Variants in GREB1L observed in about 807,000 individuals in gnomAD.
GREB1L encodes GREB1-like protein.
A neutral mutation model predicts 200.8 loss-of-function variants in GREB1L; 17 were observed. The ratio of observed to expected loss-of-function variants is 0.08; its 90% CI spans 0.06 to 0.13. The LOEUF (loss-of-function observed/expected upper bound fraction) is 0.13. GREB1L is among the 10% of genes least tolerant of loss of function. GREB1L has a pLI of 1.00. For missense variants in GREB1L, 1,657 were observed against 2,367.7 expected (o/e 0.70, Z 6.23); for synonymous variants, 789 against 893.0 (o/e 0.88, Z 2.08).
chr18:21,285,943 T>C lies in GREB1L; in HGVS notation c.-120+43550T>C, dbSNP rs142304807. Among the ~76,000 whole-genome samples, 187 of 152,326 alleles carry C rather than the reference T, an allele frequency of 1.2e-3. 2 individuals are homozygous for C. The highest frequency in any genetic ancestry group is 4.4e-3 in the African/African-American group (181 of 41,584). ...ACCCTTTTTAATAGACAGCATTTAA[T>C]AGAGCAGGGTAGTATGTTAGAGCAG... On this transcript the variant is annotated intron_variant, in intron 1 of 32. Coordinates refer to ENST00000424526, the MANE Select transcript of GREB1L (RefSeq NM_001142966.3).
chr18:21,407,055 A>G (rs1205256202), intron 7 of GREB1L, among the ~76,000 whole-genome samples: 1 of 151,870 alleles, frequency 6.6e-6, no homozygotes, highest in East Asian at 1.9e-4. Flanking sequence ...TTGTATTTTT[A>G]GTAGAGACGG....
intron 27 of GREB1L, among the ~76,000 whole-genome samples, chr18:21,510,061 A>G (rs1321859362): frequency 6.6e-6 from 1 of 151,976 alleles, no homozygotes; most frequent in African/African-American, 2.4e-5. Context: ...TACAAAAAAA[A>G]AAATTAGCTG....
intron 7 of GREB1L, among the ~76,000 whole-genome samples, chr18:21,412,198 G>A (rs945155240): frequency 2.0e-5 from 3 of 151,702 alleles, no homozygotes; most frequent in Non-Finnish European, 2.9e-5. Context: ...AGGAGTTCAA[G>A]ACTAGCCTTG....
intron 15 of GREB1L, among the ~76,000 whole-genome samples, chr18:21,457,942 T>G (rs1423459287): frequency 6.6e-6 from 1 of 151,090 alleles, no homozygotes; most frequent in African/African-American, 2.4e-5. Context: ...TCACAGAGGG[T>G]AGTACCTTGA....
chr18:21,449,451 G>C (rs1375846980), intron 11 of GREB1L, 59 bp from the exon 12 acceptor site: 1 of 990,282 alleles, frequency 1.0e-6, no homozygotes. Flanking sequence ...GCATATGGGT[G>C]TGTGTGTCTC....
At chr18:21,402,743 G>A (rs1292718701) in intron 6 of GREB1L, among the ~76,000 whole-genome samples, 3 of 151,806 alleles carry the variant, frequency 2.0e-5, no homozygotes, top group Non-Finnish European at 4.4e-5. Flanking sequence ...GACTGGTCTC[G>A]AACTCTTGGG....
intron 17 of GREB1L, among the ~76,000 whole-genome samples, chr18:21,477,576 G>A (rs573966112): frequency 1.3e-5 from 2 of 152,310 alleles, no homozygotes; most frequent in Admixed American, 1.3e-4. Flanking sequence ...CACAAGGTCA[G>A]GAGATCGAGA....
chr18:21,369,718 T>C (rs1277426608), intron 2 of GREB1L, among the ~76,000 whole-genome samples: 1 of 152,090 alleles, frequency 6.6e-6, no homozygotes, highest in African/African-American at 2.4e-5. Flanking sequence ...TAAAATACTT[T>C]TGGCTTTACA....
At chr18:21,294,862 G>A (rs2038502560) in intron 1 of GREB1L, among the ~76,000 whole-genome samples, 1 of 152,072 alleles carries the variant, frequency 6.6e-6, no homozygotes, top group African/African-American at 2.4e-5. Flanking sequence ...TTTGAATCCA[G>A]GCCTGTTTGA....
intron 15 of GREB1L, among the ~76,000 whole-genome samples, chr18:21,459,242 AG>A (rs1259042458): frequency 6.6e-6 from 1 of 150,944 alleles, no homozygotes; most frequent in Non-Finnish European, 1.5e-5. Flanking sequence ...AGAGAGAGGA[AG>A]GCATTCCCAC....
At chr18:21,283,665 C>T (rs2038308101) in intron 1 of GREB1L, among the ~76,000 whole-genome samples, 1 of 152,070 alleles carries the variant, frequency 6.6e-6, no homozygotes, top group Non-Finnish European at 1.5e-5. Context: ...ATCTAGGAAA[C>T]ACCTCTAGGA....
rs1256513048 is a variant in GREB1L at position 21,477,368 on chromosome 18, G to C, written c.2556+12G>C. On this transcript the variant is annotated intron_variant, in intron 17 of 32. Transcript: ENST00000424526. ...AGCTGGATACTGGGGTGAGTCTCTTGCCTGCTGTCTGATACACTGTCATGT... is the reference window on the plus strand; with the variant it reads ...AGCTGGATACTGGGGTGAGTCTCTTCCCTGCTGTCTGATACACTGTCATGT... The C allele has an allele frequency of 3.3e-6, 5 of 1,532,812 alleles. No homozygotes were observed. Among genetic ancestry groups the C allele is most frequent in the Non-Finnish European group, 4.4e-6 (5 of 1,134,196 alleles). 95.0% of individuals were successfully genotyped at this position (1,532,812 alleles called of 1,614,324 possible). A position where few individuals can be genotyped will look rare whatever the true frequency, so the allele number is the denominator to read the frequency against.
intron 1 of GREB1L, among the ~76,000 whole-genome samples, chr18:21,263,881 A>G (rs2037926523): frequency 6.6e-6 from 1 of 152,206 alleles, no homozygotes; most frequent in African/African-American, 2.4e-5. Context: ...AACAACCTTC[A>G]CTGCTACCAT....
At chr18:21,468,105 A>G (rs1161709141) in intron 15 of GREB1L, among the ~76,000 whole-genome samples, 1 of 152,212 alleles carries the variant, frequency 6.6e-6, no homozygotes, top group Non-Finnish European at 1.5e-5. Context: ...TCATAGCAAC[A>G]TTATTCATAA....
chr18:21,399,820 G>A (rs1490048139), intron 5 of GREB1L, among the ~76,000 whole-genome samples: 2 of 152,118 alleles, frequency 1.3e-5, no homozygotes, highest in African/African-American at 4.8e-5. Flanking sequence ...GTTGTTGATT[G>A]AATCATAACA....
intron 32 of GREB1L, among the ~76,000 whole-genome samples, chr18:21,521,571 T>C (rs756427824): frequency 2.0e-5 from 3 of 152,016 alleles, no homozygotes; most frequent in Admixed American, 2.0e-4. Flanking sequence ...TAGAGACTTA[T>C]TGGGGATGGG....
chr18:21,374,295 C>T (rs1481028658), intron 2 of GREB1L, among the ~76,000 whole-genome samples: 1 of 152,160 alleles, frequency 6.6e-6, no homozygotes, highest in Non-Finnish European at 1.5e-5. Flanking sequence ...TGAGCCACTG[C>T]ACCCAGCCTT....
At chr18:21,372,649 C>T (rs1253464151) in intron 2 of GREB1L, among the ~76,000 whole-genome samples, 1 of 152,016 alleles carries the variant, frequency 6.6e-6, no homozygotes, top group African/African-American at 2.4e-5. Flanking sequence ...TTGCCGGGTG[C>T]GGTGGCTCAT....
At chr18:21,347,762 C>CTT (rs761498957) in intron 1 of GREB1L, among the ~76,000 whole-genome samples, 1,197 of 114,230 alleles carry the variant, frequency 0.01, 24 homozygotes, top group Non-Finnish European at 0.014. Context: ...GCCCCCCGAC[C>CTT]TTTTTTTTTT....
Sources: gnomAD v4.1 joint callset for allele counts (sites outside exome capture counted in the v4.1 genomes callset) on GRCh38, gnomAD v4.1.1 for gene constraint, MANE v1.5 for transcripts, NCBI Gene and HGNC (gene_info 2026-07-23, HGNC 2026-07-21) for gene names.